TNIP3: variants seen among roughly 807,000 people sequenced by gnomAD.
The protein encoded by TNIP3 is TNFAIP3 interacting protein 3.
In TNIP3, 34 loss-of-function variants were observed where a neutral mutation model predicts 54.1. That is an observed-to-expected ratio of 0.63 (90% CI 0.48 to 0.84). The LOEUF is 0.84. Ranked by LOEUF, TNIP3 falls within the 40% of genes least tolerant of loss-of-function variation. TNIP3 has a pLI of 0.00. For missense variants in TNIP3, 366 were observed against 387.6 expected, an observed-to-expected ratio of 0.94 and a Z score of 0.47; for synonymous variants, 134 against 136.8, an observed-to-expected ratio of 0.98 and a Z score of 0.14.
chr4:121,212,489 A>G (rs1455192272), intron 2 of TNIP3, among the ~76,000 whole-genome samples: 1 of 152,248 alleles, frequency 6.6e-6, no homozygotes, highest in African/African-American at 2.4e-5. Flanking sequence ...TAGTTTGAAG[A>G]CATGTAATTT....
intron 9 of TNIP3, among the ~76,000 whole-genome samples, chr4:121,140,366 A>G (rs753484729): frequency 2.0e-5 from 3 of 152,090 alleles, no homozygotes; most frequent in East Asian, 1.9e-4. Flanking sequence ...AAGAAAGAAA[A>G]TGTAGGCCAT....
chr4:121,219,893 CA>C (rs1247611317), upstream of TNIP3, among the ~76,000 whole-genome samples: 1 of 152,144 alleles, frequency 6.6e-6, no homozygotes, highest in African/African-American at 2.4e-5. Context: ...CAATTTACAA[CA>C]CATAATACCT....
chr4:121,164,353 C>A (rs1730642296), upstream of TNIP3: 1 of 1,283,074 alleles, frequency 7.8e-7, no homozygotes, highest in Admixed American at 3.5e-5. Flanking sequence ...GGGATTTTAA[C>A]TTTTCTTCTC....
chr4:121,204,546 C>T (rs1394528805), intron 2 of TNIP3, among the ~76,000 whole-genome samples: 3 of 152,186 alleles, frequency 2.0e-5, no homozygotes, highest in Admixed American at 6.5e-5. Context: ...TCTAAATTAA[C>T]TGAGACTTGT....
upstream of TNIP3, among the ~76,000 whole-genome samples, chr4:121,217,839 T>C (rs1726863848): frequency 6.6e-6 from 1 of 152,208 alleles, no homozygotes. Context: ...AAAATGCTAA[T>C]TTCCAAGCAT....
At chr4:121,179,122 C>G (rs2148825521) in intron 3 of TNIP3, among the ~76,000 whole-genome samples, 1 of 152,234 alleles carries the variant, frequency 6.6e-6, no homozygotes, top group Admixed American at 6.5e-5. Flanking sequence ...AAAGAGTAAA[C>G]AGCATGTGAA....
chr4:121,179,227 C>T (rs115170233), intron 3 of TNIP3, among the ~76,000 whole-genome samples: 3,345 of 152,288 alleles, frequency 0.022, 80 homozygotes, highest in Admixed American at 0.036. Context: ...ATAGAAGACA[C>T]TAAAACACTA....
At chr4:121,158,629 A>G in intron 3 of TNIP3, 58 bp downstream of exon 3, 1 of 1,354,994 alleles carries the variant, frequency 7.4e-7, no homozygotes, top group Non-Finnish European at 1.1e-6. Flanking sequence ...TCTTCACACA[A>G]TTGGCCCCAC....
chr4:121,151,939 C>T lies in TNIP3; in HGVS notation c.493-1720G>A, dbSNP rs565830610. Among the ~76,000 whole-genome samples the T allele has an allele frequency of 5.9e-5, 9 of 152,232 alleles. No individual in the cohort carries two copies. In the East Asian group the frequency reaches 9.7e-4, roughly 16 times the overall value. On this transcript the variant is annotated intron_variant, in intron 5 of 10. Transcript: ENST00000057513. ...ATGTTAGACAAATCAATTTTGCCCA[C>T]GGGTGGCACGAGCTGAGTAGCCTTA...
In TNIP3 at chr4:121,180,780, C is replaced by T. The variant is rs75056710; in HGVS notation, c.189+1896G>A. ...ACAGTGGTGGTTTTCAAACTCAACT[C>T]GGTCCTCACTACTACTCTGCAACTC... On this transcript the variant is annotated intron_variant, in intron 3 of 12. Coordinates refer to the TNIP3 transcript ENST00000507879. Among the ~76,000 whole-genome samples the T allele has an allele frequency of 8.3e-3, 1,265 of 152,314 alleles. 14 individuals carry two copies. Among genetic ancestry groups the T allele is most frequent in the Non-Finnish European group, 0.014 (962 of 68,026 alleles).
At chr4:121,183,613 T>A (rs1051379947) in intron 2 of TNIP3, among the ~76,000 whole-genome samples, 1 of 152,186 alleles carries the variant, frequency 6.6e-6, no homozygotes, top group African/African-American at 2.4e-5. Flanking sequence ...CCCCTCCCCA[T>A]GGCTCACATT....
At chr4:121,202,863 A>C (rs937494479) in intron 2 of TNIP3, among the ~76,000 whole-genome samples, 17 of 152,186 alleles carry the variant, frequency 1.1e-4, no homozygotes, top group African/African-American at 3.4e-4. Flanking sequence ...TGCAAGTCAA[A>C]ACCAAAATGT....
chr4:121,194,169 C>A (rs1282646749), intron 2 of TNIP3, among the ~76,000 whole-genome samples: 3 of 151,968 alleles, frequency 2.0e-5, no homozygotes, highest in Non-Finnish European at 4.4e-5. Context: ...TTTAAGGATA[C>A]GCATACTAAA....
chr4:121,196,559 T>C (rs1477561662), intron 2 of TNIP3, among the ~76,000 whole-genome samples: 2 of 151,874 alleles, frequency 1.3e-5, no homozygotes, highest in Non-Finnish European at 2.9e-5. Flanking sequence ...TTTGTCACAT[T>C]TTTTTTAATG....
chr4:121,180,272 C>T (rs916912087), intron 3 of TNIP3, among the ~76,000 whole-genome samples: 4 of 151,900 alleles, frequency 2.6e-5, no homozygotes, highest in East Asian at 1.9e-4. Flanking sequence ...TGGTGGCGGG[C>T]GCCTGTAGTC....
Position 121,143,484 on chromosome 4 carries a change from GT to G in TNIP3, c.736-709del, listed in dbSNP as rs149303414. On this transcript the variant is annotated intron_variant, in intron 7 of 10. Coordinates refer to ENST00000057513, the MANE Select transcript of TNIP3 (RefSeq NM_024873.6). ...CCCCTTCTGAATGATACCTTTCCAA[GT>G]CCCACTTATCAGAATTATTCTGTCC... Among the ~76,000 whole-genome samples the G allele has an allele frequency of 5.8e-3, 890 of 152,248 alleles. 13 individuals carry two copies. The highest frequency in any genetic ancestry group is 0.021 in the African/African-American group (852 of 41,550).
intron 4 of TNIP3, among the ~76,000 whole-genome samples, chr4:121,156,541 A>T (rs1299767540): frequency 6.6e-6 from 1 of 152,196 alleles, no homozygotes; most frequent in African/African-American, 2.4e-5. Flanking sequence ...CATTTTTAAT[A>T]TAGCAAAAAT....
chr4:121,169,395 T>C (rs1214340842), intron 3 of TNIP3, among the ~76,000 whole-genome samples: 8 of 152,216 alleles, frequency 5.3e-5, no homozygotes, highest in Admixed American at 5.2e-4. Flanking sequence ...GGCCTCCCAA[T>C]TTAAAATTGC....
intron 2 of TNIP3, among the ~76,000 whole-genome samples, chr4:121,200,681 G>C (rs575083465): frequency 1.3e-5 from 2 of 152,246 alleles, no homozygotes; most frequent in South Asian, 4.1e-4. Flanking sequence ...TGATCCTGGA[G>C]TTACTGCCAG....
Sources: allele counts gnomAD v4.1 joint callset (sites outside exome capture counted in the v4.1 genomes callset), GRCh38; gene constraint gnomAD v4.1.1; transcripts MANE v1.5; gene names NCBI Gene and HGNC (gene_info 2026-07-23, HGNC 2026-07-21).